Variants in AGBL1 observed in about 807,000 individuals in gnomAD.
AGBL1 encodes cytosolic carboxypeptidase 4.
AGBL1 carries 130 observed loss-of-function variants against 118.9 expected under a neutral mutation model. The ratio of observed to expected loss-of-function variants is 1.09; its 90% CI spans 0.95 to 1.26. AGBL1 has a LOEUF of 1.26. Ranked by LOEUF, AGBL1 falls within the 50% of genes most tolerant of loss-of-function variation. AGBL1 has a pLI of 0.00. For missense variants in AGBL1, 1,584 were observed against 1,298.1 expected, an observed-to-expected ratio of 1.22 and a Z score of -3.38; for synonymous variants, 555 against 478.9, an observed-to-expected ratio of 1.16 and a Z score of -2.08.
At chr15:86,383,360 G>A (rs1356941904) in intron 17 of AGBL1, among the ~76,000 whole-genome samples, 1 of 151,832 alleles carries the variant, frequency 6.6e-6, no homozygotes, top group Non-Finnish European at 1.5e-5. Flanking sequence ...GGCTGAGACA[G>A]GTGGGTTACT....
rs542055574 is a variant in AGBL1, at chr15:86,149,803, C to T, written c.263-4627C>T. On this transcript the variant is annotated intron_variant, in intron 3 of 22. Coordinates refer to ENST00000614907, the MANE Select transcript of AGBL1 (RefSeq NM_001386094.1). ...TAATAGACATCTACAGCACTCTCCA[C>T]CCCAAATCAACAGAATATATATTCT... Among the ~76,000 whole-genome samples the T allele has an allele frequency of 6.9e-3, 1,050 of 152,286 alleles. 10 individuals are homozygous for T. The highest frequency in any genetic ancestry group is 0.01 in the Non-Finnish European group (711 of 68,012).
chr15:86,503,875 A>G (rs1349654317), intron 18 of AGBL1, among the ~76,000 whole-genome samples: 1 of 151,580 alleles, frequency 6.6e-6, no homozygotes, highest in Non-Finnish European at 1.5e-5. Context: ...GAATGTGTGC[A>G]CTTGGGAAAA....
At chr15:86,530,857 C>T (rs1366852579) in intron 19 of AGBL1, among the ~76,000 whole-genome samples, 1 of 109,250 alleles carries the variant, frequency 9.2e-6, no homozygotes, top group Non-Finnish European at 1.8e-5. Flanking sequence ...TCCTGAATGA[C>T]TACTGGGTAC....
At chr15:87,024,442 C>T (rs144268154) in intron 24 of AGBL1, among the ~76,000 whole-genome samples, 1 of 151,740 alleles carries the variant, frequency 6.6e-6, no homozygotes, top group Non-Finnish European at 1.5e-5. Flanking sequence ...AATTAGATAC[C>T]CTAAACAGAC....
At chr15:86,807,408 G>A (rs1462718468) in intron 22 of AGBL1, among the ~76,000 whole-genome samples, 1 of 152,130 alleles carries the variant, frequency 6.6e-6, no homozygotes, top group Non-Finnish European at 1.5e-5. Context: ...CATAGTAGGA[G>A]CACCAAAAAT....
chr15:86,283,963 C>T (rs528314523), intron 16 of AGBL1, among the ~76,000 whole-genome samples: 4 of 151,930 alleles, frequency 2.6e-5, no homozygotes, highest in Non-Finnish European at 5.9e-5. Flanking sequence ...CTCTTAGCCT[C>T]GGTTTTCTCA....
chr15:86,240,691 G>A (rs184528923), intron 6 of AGBL1, among the ~76,000 whole-genome samples: 4 of 152,272 alleles, frequency 2.6e-5, no homozygotes, highest in South Asian at 2.1e-4. Flanking sequence ...TGAAAAAGAC[G>A]AGTTGAATTG....
intron 22 of AGBL1, among the ~76,000 whole-genome samples, chr15:86,792,650 T>G (rs1019687918): frequency 6.6e-6 from 1 of 152,108 alleles, no homozygotes; most frequent in African/African-American, 2.4e-5. Context: ...TTTTAAAATT[T>G]AACAATATTA....
At position 86,638,259 on chromosome 15, in the gene AGBL1, C is replaced by T. The variant is rs149857097; in HGVS notation, c.2995-36014C>T. ...GGTATCATTGTGTTTTGTGTAGTGACCAGATGGATGTGCCTTTAAAATGTC... is the reference window on the plus strand; with the variant it reads ...GGTATCATTGTGTTTTGTGTAGTGATCAGATGGATGTGCCTTTAAAATGTC... On this transcript the variant is annotated intron_variant, in intron 21 of 22. Transcript: ENST00000614907. Among the ~76,000 whole-genome samples the T allele has an allele frequency of 2.6e-3, 395 of 152,248 alleles. 2 individuals are homozygous for T. The highest frequency in any genetic ancestry group is 9.1e-3 in the African/African-American group (377 of 41,548).
chr15:86,708,123 CTGCTTTTGGACTTAATCG>C (rs369661451), intron 22 of AGBL1, among the ~76,000 whole-genome samples: 37 of 152,198 alleles, frequency 2.4e-4, no homozygotes, highest in African/African-American at 8.7e-4. Context: ...CACATGTATA[CTGCTTTTGGACTTAATCG>C]TGCTCTCCTC....
intron 18 of AGBL1, among the ~76,000 whole-genome samples, chr15:86,459,482 T>G (rs994029699): frequency 5.3e-5 from 8 of 152,190 alleles, no homozygotes; most frequent in African/African-American, 1.9e-4. Flanking sequence ...TATGCTTATA[T>G]CAAACATTGG....
chr15:86,828,389 G>A (rs973110528), intron 22 of AGBL1, among the ~76,000 whole-genome samples: 1 of 152,132 alleles, frequency 6.6e-6, no homozygotes, highest in African/African-American at 2.4e-5. Context: ...GTGATTAAGT[G>A]TAGAATCTCG....
intron 22 of AGBL1, among the ~76,000 whole-genome samples, chr15:86,795,666 C>T (rs2078559773): frequency 6.6e-6 from 1 of 150,734 alleles, no homozygotes; most frequent in South Asian, 2.1e-4. Flanking sequence ...TTCATTTCAA[C>T]CTCCACCTCC....
chr15:86,186,550 C>A (rs547363857), intron 5 of AGBL1, among the ~76,000 whole-genome samples: 8 of 152,126 alleles, frequency 5.3e-5, no homozygotes, highest in African/African-American at 1.2e-4. Context: ...TAGTGTTAAA[C>A]GTGAGGGCAA....
chr15:86,163,507 C>T (rs1198892976), intron 5 of AGBL1, among the ~76,000 whole-genome samples: 1 of 152,094 alleles, frequency 6.6e-6, no homozygotes, highest in East Asian at 1.9e-4. Flanking sequence ...GTGGGTGGGT[C>T]ACCTAAGATC....
intron 23 of AGBL1, among the ~76,000 whole-genome samples, chr15:86,971,983 C>T (rs1000176504): frequency 1.3e-5 from 2 of 151,996 alleles, no homozygotes; most frequent in South Asian, 2.1e-4. Context: ...CCTGCTTCCC[C>T]TTCACCTTCT....
intron 21 of AGBL1, among the ~76,000 whole-genome samples, chr15:86,570,818 A>G (rs373055536): frequency 4.6e-5 from 7 of 152,016 alleles, no homozygotes; most frequent in African/African-American, 1.7e-4. Flanking sequence ...TCTTTGCCCA[A>G]GTTTTGCTTG....
intron 18 of AGBL1, among the ~76,000 whole-genome samples, chr15:86,518,682 A>C (rs2142193030): frequency 6.6e-6 from 1 of 152,254 alleles, no homozygotes; most frequent in South Asian, 2.1e-4. Context: ...AAACATAGGC[A>C]ATAAGGATGC....
chr15:86,843,062 A>G (rs2079267891), intron 22 of AGBL1, among the ~76,000 whole-genome samples: 2 of 152,208 alleles, frequency 1.3e-5, no homozygotes, highest in Admixed American at 6.5e-5. Context: ...GGGGCCGTCT[A>G]CCAAGCACTT....
Sources: allele counts gnomAD v4.1 joint callset (sites outside exome capture counted in the v4.1 genomes callset), GRCh38; gene constraint gnomAD v4.1.1; transcripts MANE v1.5; gene names NCBI Gene and HGNC (gene_info 2026-07-23, HGNC 2026-07-21).